The following PAX8 variants were observed in gnomAD, a reference collection of about 807,000 sequenced individuals.
The protein encoded by PAX8 is paired box protein Pax-8.
Under a neutral mutation model 52.4 loss-of-function variants are expected in PAX8, and 15 were observed. The ratio of observed to expected loss-of-function variants is 0.29; its 90% CI spans 0.19 to 0.44. The LOEUF is 0.44. Ranked by LOEUF, PAX8 falls within the 20% of genes least tolerant of loss-of-function variation. The pLI is 1.00. For synonymous variants in PAX8, 284 were observed against 249.7 expected, an observed-to-expected ratio of 1.14 and a Z score of -1.29; for missense variants, 554 against 602.5, an observed-to-expected ratio of 0.92 and a Z score of 0.84.
chr2:113,241,415 G>T, intron 7 of PAX8, 136 bp downstream of exon 7: 1 of 807,866 alleles, frequency 1.2e-6, no homozygotes, highest in Non-Finnish European at 2.1e-6. Context: ...TGTCAGGCTT[G>T]GAGTTGCATA....
At chr2:113,255,057 A>C (rs1692098499) in intron 2 of PAX8, among the ~76,000 whole-genome samples, 1 of 151,126 alleles carries the variant, frequency 6.6e-6, no homozygotes, top group African/African-American at 2.4e-5. Context: ...GGAAGGAGGA[A>C]GGAAGGAAGG....
At chr2:113,245,965 G>A (rs941557124) in intron 3 of PAX8, among the ~76,000 whole-genome samples, 1 of 152,174 alleles carries the variant, frequency 6.6e-6, no homozygotes, top group Non-Finnish European at 1.5e-5. Context: ...ACAGGCACAC[G>A]TACACAGAGC....
At chr2:113,239,519 T>A (rs1353506440) in intron 7 of PAX8, 1 of 152,228 alleles carries the variant, frequency 6.6e-6, no homozygotes, top group Non-Finnish European at 1.5e-5. Flanking sequence ...GGCAGCACAG[T>A]CAGTTACCAG....
intron 2 of PAX8, chr2:113,267,392 T>A (rs1349677905): frequency 2.0e-5 from 3 of 152,160 alleles, no homozygotes; most frequent in African/African-American, 7.2e-5. Context: ...GGATCTTATG[T>A]GAAAACAAGA....
intron 2 of PAX8, chr2:113,275,207 G>T (rs974209108): frequency 6.6e-6 from 1 of 152,126 alleles, no homozygotes; most frequent in African/African-American, 2.4e-5. Flanking sequence ...TTATCAATCA[G>T]TGGGGCAATT....
intron 2 of PAX8, chr2:113,268,557 C>T (rs1693244450): frequency 6.6e-6 from 1 of 152,232 alleles, no homozygotes; most frequent in Non-Finnish European, 1.5e-5. Flanking sequence ...CATACATTGT[C>T]CCAGGTACTC....
intron 2 of PAX8, chr2:113,271,411 G>GA (rs1340964648): frequency 6.6e-6 from 1 of 152,154 alleles, no homozygotes; most frequent in East Asian, 1.9e-4. Context: ...GGGGATGTGT[G>GA]AAAGTAAGGC....
At chr2:113,229,396 T>C (rs1000853688) in intron 9 of PAX8, among the ~76,000 whole-genome samples, 2 of 152,260 alleles carry the variant, frequency 1.3e-5, no homozygotes, top group Admixed American at 6.5e-5. Context: ...GGACACATTC[T>C]AGAAATGGTT....
At chr2:113,250,498 A>G (rs993580102) in intron 2 of PAX8, among the ~76,000 whole-genome samples, 2 of 152,188 alleles carry the variant, frequency 1.3e-5, no homozygotes, top group African/African-American at 4.8e-5. Context: ...ACTGAGCACA[A>G]TGCCCTAAGT....
intron 10 of PAX8, among the ~76,000 whole-genome samples, chr2:113,222,636 T>C (rs992296963): frequency 6.6e-6 from 1 of 152,196 alleles, no homozygotes; most frequent in South Asian, 2.1e-4. Flanking sequence ...GTTTTCTGTT[T>C]CATCAGTCTC....
intron 9 of PAX8, among the ~76,000 whole-genome samples, chr2:113,233,477 A>T (rs1308167533): frequency 2.6e-5 from 4 of 152,090 alleles, no homozygotes; most frequent in African/African-American, 9.7e-5. Flanking sequence ...CAGGAGATTG[A>T]GACCATTCTG....
At chr2:113,261,626 G>A (rs1692685846) in intron 2 of PAX8, among the ~76,000 whole-genome samples, 1 of 152,186 alleles carries the variant, frequency 6.6e-6, no homozygotes, top group Non-Finnish European at 1.5e-5. Context: ...AGGAAGGAGA[G>A]GTGAGCTGTC....
At chr2:113,237,042 C>A in intron 7 of PAX8, 1 of 361,340 alleles carries the variant, frequency 2.8e-6, no homozygotes, top group Non-Finnish European at 5.1e-6. Flanking sequence ...CCACAGAATG[C>A]AGGACGGTGC....
At chr2:113,259,809 G>T (rs1377215408) in intron 2 of PAX8, among the ~76,000 whole-genome samples, 1 of 152,190 alleles carries the variant, frequency 6.6e-6, no homozygotes, top group Non-Finnish European at 1.5e-5. Flanking sequence ...CCTTCCCACT[G>T]AGCTTCCTAG....
At chr2:113,273,627 A>C (rs981909307) in intron 2 of PAX8, 11 of 152,200 alleles carry the variant, frequency 7.2e-5, no homozygotes, top group African/African-American at 2.4e-4. Flanking sequence ...TACTTTAAAC[A>C]TCCCCCTCCC....
intron 1 of PAX8, 161 bp downstream of exon 1, chr2:113,278,670 G>A: frequency 6.3e-6 from 4 of 633,874 alleles, no homozygotes; most frequent in Middle Eastern, 4.4e-4. Flanking sequence ...CGCTGAAGAA[G>A]CTCCAGACTC....
intron 9 of PAX8, among the ~76,000 whole-genome samples, chr2:113,229,116 A>G (rs1044083062): frequency 6.6e-6 from 1 of 152,220 alleles, no homozygotes; most frequent in Non-Finnish European, 1.5e-5. Context: ...CAAGGGGTCA[A>G]TGAACAAAAA....
chr2:113,253,016 T>C (rs12471722), intron 2 of PAX8, among the ~76,000 whole-genome samples: 25,876 of 152,270 alleles, frequency 0.17, 2,483 homozygotes, highest in Non-Finnish European at 0.22. Flanking sequence ...GCCTGCTCTG[T>C]GCCTCCTGCT....
intron 8 of PAX8, 173 bp from the exon 9 acceptor site, chr2:113,235,755 GAGA>G: frequency 1.7e-6 from 1 of 591,298 alleles, no homozygotes; most frequent in East Asian, 2.9e-5. Context: ...GCAAGGCGGG[GAGA>G]GAGAAGCTAG....
Sources: allele counts gnomAD v4.1 joint callset (sites outside exome capture counted in the v4.1 genomes callset), GRCh38; gene constraint gnomAD v4.1.1; transcripts MANE v1.5; gene names NCBI Gene and HGNC (gene_info 2026-07-23, HGNC 2026-07-21).